Variants in CLUAP1 observed in about 807,000 individuals in gnomAD.
CLUAP1 encodes clusterin-associated protein 1.
CLUAP1 carries 50 observed loss-of-function variants against 55.0 expected under a neutral mutation model. The observed-to-expected ratio is 0.91, with a 90% CI of 0.72 to 1.15. The LOEUF (loss-of-function observed/expected upper bound fraction) is 1.15, where lower values mean the gene tolerates loss of function less well. Among genes scored for constraint, CLUAP1 ranks in the 50% most tolerant of loss-of-function variants. The pLI, the probability that CLUAP1 is intolerant of heterozygous loss-of-function variation, is 0.00. For missense variants in CLUAP1, 530 were observed against 507.6 expected (o/e 1.04, Z -0.42); for synonymous variants, 195 against 175.4 (o/e 1.11, Z -0.88).
intron 9 of CLUAP1, among the ~76,000 whole-genome samples, chr16:3,529,807 T>TATATTATAATATAATATATTATATA (rs2038071545): frequency 3.6e-5 from 1 of 28,070 alleles, no homozygotes; most frequent in Non-Finnish European, 5.7e-5. Flanking sequence ...TATTATTATA[T>TATATTATAATATAATATATTATATA]ATATATTATA....
At chr16:3,502,371 G>A (rs1478949498) in intron 1 of CLUAP1, among the ~76,000 whole-genome samples, 1 of 151,698 alleles carries the variant, frequency 6.6e-6, no homozygotes. Flanking sequence ...TTGATTCCGG[G>A]AGGCAGAGGT....
At chr16:3,533,170 C>CT (rs2038163077) in intron 11 of CLUAP1, 35 of 1,535,044 alleles carry the variant, frequency 2.3e-5, no homozygotes, top group Non-Finnish European at 2.8e-5. Context: ...GTTTTCTGTT[C>CT]TGCCTCATGT....
At chr16:3,529,786 A>T (rs796335199) in intron 9 of CLUAP1, among the ~76,000 whole-genome samples, 1 of 44,914 alleles carries the variant, frequency 2.2e-5, no homozygotes, top group African/African-American at 9.8e-5. Context: ...TATATTATAT[A>T]ATATATATTA....
intron 1 of CLUAP1, among the ~76,000 whole-genome samples, chr16:3,504,223 G>A (rs2037461116): frequency 6.6e-6 from 1 of 151,412 alleles, no homozygotes; most frequent in Non-Finnish European, 1.5e-5. Context: ...GTGTTATTTG[G>A]GTCCTATGTG....
At chr16:3,514,165 G>C (rs957201336) in intron 5 of CLUAP1, among the ~76,000 whole-genome samples, 2 of 152,204 alleles carry the variant, frequency 1.3e-5, no homozygotes, top group South Asian at 4.1e-4. Flanking sequence ...AGAGACAGGA[G>C]CTGGCCACTT....
intron 9 of CLUAP1, among the ~76,000 whole-genome samples, chr16:3,527,860 G>A (rs554615153): frequency 2.0e-4 from 30 of 152,246 alleles, no homozygotes; most frequent in Non-Finnish European, 3.4e-4. Flanking sequence ...CAGTGGATAC[G>A]TGACCCATGT....
At chr16:3,495,539 C>A in the CLUAP1 span, 2 of 1,517,866 alleles carry the variant, frequency 1.3e-6, no homozygotes, top group Non-Finnish European at 1.8e-6. Context: ...TATGACATCA[C>A]GGGGAAGACT....
the CLUAP1 span, chr16:3,495,555 C>A: frequency 8.7e-6 from 13 of 1,487,820 alleles, no homozygotes; most frequent in Non-Finnish European, 1.2e-5. Flanking sequence ...AGACTCCCAG[C>A]CTTCCTGGAC....
At chr16:3,511,213 A>C (rs969330204) in intron 4 of CLUAP1, among the ~76,000 whole-genome samples, 11 of 152,174 alleles carry the variant, frequency 7.2e-5, no homozygotes, top group African/African-American at 2.7e-4. Flanking sequence ...AGTTGTTGCT[A>C]GTGGGTTGAA....
At chr16:3,501,871 G>T (rs1300551111) in intron 1 of CLUAP1, among the ~76,000 whole-genome samples, 2 of 151,874 alleles carry the variant, frequency 1.3e-5, no homozygotes, top group Non-Finnish European at 2.9e-5. Context: ...GAGTTTTAAC[G>T]ATCTGCCAGG....
chr16:3,531,136 T>G (rs2038107939), intron 10 of CLUAP1, among the ~76,000 whole-genome samples: 1 of 152,188 alleles, frequency 6.6e-6, no homozygotes, highest in Non-Finnish European at 1.5e-5. Context: ...AGAAGGATCA[T>G]TTGAGCCTAG....
At chr16:3,523,029 A>C in intron 7 of CLUAP1, 129 bp from the exon 8 acceptor site, 1 of 636,910 alleles carries the variant, frequency 1.6e-6, no homozygotes, top group Admixed American at 4.0e-5. Context: ...TAAGCATTAC[A>C]AGAATGAAGG....
At chr16:3,519,651 C>T (rs1219948405) in intron 6 of CLUAP1, among the ~76,000 whole-genome samples, 1 of 152,278 alleles carries the variant, frequency 6.6e-6, no homozygotes, top group East Asian at 1.9e-4. Flanking sequence ...TTTGCATCTT[C>T]ACTTCTTTCC....
upstream of CLUAP1, among the ~76,000 whole-genome samples, chr16:3,497,149 G>T (rs2037322999): frequency 6.6e-6 from 1 of 151,540 alleles, no homozygotes; most frequent in South Asian, 2.1e-4. Flanking sequence ...GGGATTACAG[G>T]CATGACCCAC....
chr16:3,513,504 C>T (rs2037672825), intron 5 of CLUAP1, among the ~76,000 whole-genome samples: 2 of 151,984 alleles, frequency 1.3e-5, no homozygotes, highest in South Asian at 4.2e-4. Flanking sequence ...GGCTGGAGTG[C>T]GGTGGCTCAA....
At chr16:3,500,900 T>C (rs977968975), upstream of CLUAP1, 3 of 702,012 alleles carry the variant, frequency 4.3e-6, no homozygotes, top group Admixed American at 5.3e-5. Flanking sequence ...CGGCCCGCTC[T>C]CCCCGTGCGT....
At chr16:3,504,054 G>A (rs1192084763) in intron 1 of CLUAP1, among the ~76,000 whole-genome samples, 1 of 152,174 alleles carries the variant, frequency 6.6e-6, no homozygotes, top group Non-Finnish European at 1.5e-5. Context: ...TCTCTTGAAA[G>A]CACTAAGGCT....
chr16:3,504,677 T>G (rs1189431342), intron 1 of CLUAP1, 43 bp from the exon 2 acceptor site: 1 of 1,056,504 alleles, frequency 9.5e-7, no homozygotes, highest in African/African-American at 1.6e-5. Context: ...AAGTAGTTGC[T>G]GTGTGATGGG....
intron 2 of CLUAP1, among the ~76,000 whole-genome samples, chr16:3,505,048 A>C (rs1416338265): frequency 2.0e-5 from 3 of 152,146 alleles, no homozygotes; most frequent in Non-Finnish European, 4.4e-5. Flanking sequence ...GACTAGCCTC[A>C]TCAACATAGC....
Sources: allele counts gnomAD v4.1 joint callset (sites outside exome capture counted in the v4.1 genomes callset), GRCh38; gene constraint gnomAD v4.1.1; transcripts MANE v1.5; gene names NCBI Gene and HGNC (gene_info 2026-07-23, HGNC 2026-07-21).